The following EYA1 variants were observed in gnomAD, a reference collection of about 807,000 sequenced individuals.
EYA1 encodes the protein protein phosphatase EYA1.
EYA1 carries 16 observed loss-of-function variants against 82.0 expected under a neutral mutation model. The observed-to-expected ratio is 0.20, with a 90% CI of 0.13 to 0.30. The LOEUF is 0.30. EYA1 is among the 10% of genes least tolerant of loss of function. EYA1 has a pLI of 1.00. For missense variants in EYA1, 633 were observed against 730.7 expected (o/e 0.87, Z 1.54); for synonymous variants, 261 against 264.4 (o/e 0.99, Z 0.12).
chr8:71,467,239 T>C (rs1808845177), intron 2 of EYA1, among the ~76,000 whole-genome samples: 4 of 152,092 alleles, frequency 2.6e-5, no homozygotes, highest in Admixed American at 2.6e-4. Flanking sequence ...ATTTTTAAAA[T>C]GTGAAAAATT....
chr8:71,329,158 T>C (rs1823514969), intron 4 of EYA1, among the ~76,000 whole-genome samples: 1 of 152,198 alleles, frequency 6.6e-6, no homozygotes, highest in African/African-American at 2.4e-5. Flanking sequence ...ATCATTTCTG[T>C]CTAGAATTTT....
rs567907204 is a variant in EYA1, at chr8:71,513,421, T to C, written c.33+22323A>G. Among the ~76,000 whole-genome samples the C allele has an allele frequency of 1.2e-4, 18 of 152,252 alleles. 1 individual carries two copies. In the South Asian group the frequency reaches 2.9e-3, roughly 25 times the overall value. On this transcript the variant is annotated intron_variant, in intron 2 of 18. Coordinates refer to the EYA1 transcript ENST00000643681. ...TGTTTAAAATTGGTAGTTTAAAAAA[T>C]AGTCTGTCTGAAATTGTAGTTAAAA...
At chr8:71,330,524 T>A (rs969602194) in intron 4 of EYA1, among the ~76,000 whole-genome samples, 4 of 152,194 alleles carry the variant, frequency 2.6e-5, no homozygotes, top group African/African-American at 9.7e-5. Context: ...ACTATGTACT[T>A]GAAAGACATT....
chr8:71,288,314 C>T (rs1818613943), intron 9 of EYA1, among the ~76,000 whole-genome samples: 1 of 152,172 alleles, frequency 6.6e-6, no homozygotes, highest in Non-Finnish European at 1.5e-5. Context: ...GAACTCATTA[C>T]AGGATAAAAG....
chr8:71,311,818 C>T (rs1821373016), intron 7 of EYA1, among the ~76,000 whole-genome samples: 1 of 152,146 alleles, frequency 6.6e-6, no homozygotes, highest in Non-Finnish European at 1.5e-5. Context: ...ATCAGATTTC[C>T]CAATCACTGA....
intron 2 of EYA1, among the ~76,000 whole-genome samples, chr8:71,444,411 G>A (rs1474726192): frequency 6.6e-6 from 1 of 152,192 alleles, no homozygotes; most frequent in Non-Finnish European, 1.5e-5. Context: ...TTATTGTTTG[G>A]CAGGAACAGA....
intron 2 of EYA1, chr8:71,404,260 C>T: frequency 1.3e-5 from 2 of 152,218 alleles, no homozygotes; most frequent in Middle Eastern, 6.8e-3. Flanking sequence ...CATTGAAAAG[C>T]CCCAGCAAGA....
chr8:71,261,529 T>A (rs1403968722), intron 11 of EYA1, among the ~76,000 whole-genome samples: 1 of 152,204 alleles, frequency 6.6e-6, no homozygotes, highest in Non-Finnish European at 1.5e-5. Context: ...TTTTACTGAT[T>A]AGATACGTGA....
chr8:71,244,009 T>C (rs1023297579), intron 12 of EYA1, among the ~76,000 whole-genome samples: 6 of 152,238 alleles, frequency 3.9e-5, no homozygotes, highest in Non-Finnish European at 8.8e-5. Context: ...TTCTCTACTC[T>C]TAAGAATGCT....
chr8:71,320,906 T>C (rs1315268975), intron 6 of EYA1, among the ~76,000 whole-genome samples: 1 of 152,142 alleles, frequency 6.6e-6, no homozygotes, highest in African/African-American at 2.4e-5. Flanking sequence ...ATTCTATCAA[T>C]CCTTTCCTCC....
chr8:71,534,091 G>T (rs1483967258), intron 2 of EYA1, among the ~76,000 whole-genome samples: 1 of 152,126 alleles, frequency 6.6e-6, no homozygotes, highest in East Asian at 1.9e-4. Context: ...GGTATCAAAA[G>T]AAACATTATT....
intron 11 of EYA1, among the ~76,000 whole-genome samples, chr8:71,257,305 T>C (rs1038132119): frequency 2.0e-5 from 3 of 152,182 alleles, no homozygotes; most frequent in Non-Finnish European, 4.4e-5. Context: ...AGTGGTTACA[T>C]TGGGTTTCAT....
At chr8:71,415,439 C>T (rs568697968) in intron 2 of EYA1, among the ~76,000 whole-genome samples, 2 of 152,282 alleles carry the variant, frequency 1.3e-5, no homozygotes, top group African/African-American at 2.4e-5. Flanking sequence ...TAGGGATGAG[C>T]AAAATGATAC....
At chr8:71,319,637 C>A (rs993112157) in intron 6 of EYA1, among the ~76,000 whole-genome samples, 2 of 152,106 alleles carry the variant, frequency 1.3e-5, no homozygotes, top group Non-Finnish European at 2.9e-5. Flanking sequence ...TGTGTTTCCC[C>A]ACTGATCTAT....
intron 2 of EYA1, among the ~76,000 whole-genome samples, chr8:71,390,840 T>C (rs1185949786): frequency 1.3e-5 from 2 of 152,162 alleles, no homozygotes; most frequent in Admixed American, 6.5e-5. Flanking sequence ...CTTACTATTT[T>C]TTAGATTGAA....
At chr8:71,281,782 G>A (rs949303120) in intron 9 of EYA1, among the ~76,000 whole-genome samples, 4 of 152,158 alleles carry the variant, frequency 2.6e-5, no homozygotes, top group African/African-American at 9.7e-5. Flanking sequence ...TTTGAACAAG[G>A]GGCCCACCAG....
chr8:71,444,271 T>A (rs527762648), intron 2 of EYA1, among the ~76,000 whole-genome samples: 2 of 152,296 alleles, frequency 1.3e-5, no homozygotes, highest in East Asian at 3.9e-4. Flanking sequence ...TAAGTCAGAA[T>A]TGAATCTTAA....
intron 2 of EYA1, among the ~76,000 whole-genome samples, chr8:71,398,443 T>C (rs1463394056): frequency 6.6e-6 from 1 of 152,140 alleles, no homozygotes; most frequent in Non-Finnish European, 1.5e-5. Context: ...CTACCTTTGG[T>C]CTTTGATGTT....
intron 2 of EYA1, among the ~76,000 whole-genome samples, chr8:71,475,776 G>A (rs1586791689): frequency 1.3e-5 from 2 of 152,202 alleles, no homozygotes; most frequent in Non-Finnish European, 2.9e-5. Context: ...ATCCTTGCTG[G>A]CTATAATTTT....
Sources: gnomAD v4.1 joint callset for allele counts (sites outside exome capture counted in the v4.1 genomes callset) on GRCh38, gnomAD v4.1.1 for gene constraint, MANE v1.5 for transcripts, NCBI Gene and HGNC (gene_info 2026-07-23, HGNC 2026-07-21) for gene names.